Variants in CLIP1 observed in about 807,000 individuals in gnomAD.
CLIP1 encodes the protein CAP-Gly domain containing linker protein 1.
In CLIP1, 66 loss-of-function variants were observed where a neutral mutation model predicts 161.6. The ratio of observed to expected loss-of-function variants is 0.41; its 90% CI spans 0.33 to 0.50. CLIP1 has a LOEUF of 0.50. Among genes scored for constraint, CLIP1 ranks in the 20% least tolerant of loss-of-function variants. The pLI is 0.27. For missense variants in CLIP1, 1,376 were observed against 1,702.0 expected (o/e 0.81, Z 3.37); for synonymous variants, 598 against 626.2 (o/e 0.96, Z 0.67).
At position 122,361,216 on chromosome 12, in the gene CLIP1, A is replaced by C. The variant is rs750520997; in HGVS notation, c.783-35T>G. On this transcript the variant is annotated intron_variant, in intron 4 of 25. Coordinates refer to ENST00000620786, the MANE Select transcript of CLIP1 (RefSeq NM_001247997.2). Reference sequence around the variant, plus strand: ...ACAATAAGAACAATAACAAAAAACAACTTAATCACAAGAAATAATAACTAT... The same window carrying C: ...ACAATAAGAACAATAACAAAAAACACCTTAATCACAAGAAATAATAACTAT... 3 of 1,505,910 alleles carry C rather than the reference A, an allele frequency of 2.0e-6. No homozygotes were observed. In the East Asian group the frequency reaches 6.8e-5, roughly 34 times the overall value. 93.3% of individuals were successfully genotyped at this position (1,505,910 alleles called of 1,614,324 possible).
At chr12:122,379,944 T>TAAAAAAAA (rs10661606) in intron 2 of CLIP1, among the ~76,000 whole-genome samples, 2 of 99,730 alleles carry the variant, frequency 2.0e-5, no homozygotes, top group African/African-American at 7.6e-5. Flanking sequence ...ACTCCATCTT[T>TAAAAAAAA]AAAAAAAAAA....
intron 20 of CLIP1, among the ~76,000 whole-genome samples, chr12:122,292,539 T>C (rs949387757): frequency 6.6e-6 from 1 of 152,182 alleles, no homozygotes; most frequent in Non-Finnish European, 1.5e-5. Context: ...GTCCCAGCCC[T>C]GGCATCAGCC....
chr12:122,370,319 G>A (rs1370462959), intron 3 of CLIP1, among the ~76,000 whole-genome samples: 3 of 152,226 alleles, frequency 2.0e-5, no homozygotes, highest in African/African-American at 4.8e-5. Context: ...AAGGAGTTTC[G>A]ATTTTTATTT....
intron 13 of CLIP1, 81 bp downstream of exon 13, chr12:122,334,567 T>G: frequency 2.2e-6 from 2 of 929,256 alleles, no homozygotes; most frequent in Non-Finnish European, 3.4e-6. Context: ...GCAGTGTAAC[T>G]CTGTGCACTC....
chr12:122,311,429 ATTT>A lies in CLIP1; in HGVS notation c.3474-1550_3474-1548del, dbSNP rs1315276456. Among the ~76,000 whole-genome samples the A allele has an allele frequency of 6.7e-5, 10 of 150,034 alleles. No homozygotes were observed. Among genetic ancestry groups the A allele is most frequent in the South Asian group, 4.2e-4 (2 of 4,768 alleles). On this transcript the variant is annotated intron_variant, in intron 19 of 25. Coordinates refer to ENST00000620786, the MANE Select transcript of CLIP1 (RefSeq NM_001247997.2). This position sits in a 1 kb window ranked among gnomAD's most constrained non-coding sequence, Gnocchi z 4.3. ...TAAAAACAAAATTATTATTATTATT[ATTT>A]TTTTTTTTTTGAGACAGAGTCTCGC...
intron 2 of CLIP1, among the ~76,000 whole-genome samples, chr12:122,379,023 G>A (rs971867095): frequency 1.3e-5 from 2 of 152,106 alleles, no homozygotes; most frequent in Non-Finnish European, 2.9e-5. Context: ...TACTCGGGAG[G>A]CTGAGGCAGG....
At chr12:122,321,641 C>G (rs978519946) in intron 17 of CLIP1, among the ~76,000 whole-genome samples, 2 of 152,118 alleles carry the variant, frequency 1.3e-5, no homozygotes, top group African/African-American at 4.8e-5. Flanking sequence ...ATCTCAGCCT[C>G]CTGAGCAGCT....
At chr12:122,305,865 C>T (rs188739042) in intron 20 of CLIP1, among the ~76,000 whole-genome samples, 19 of 151,662 alleles carry the variant, frequency 1.3e-4, no homozygotes, top group African/African-American at 4.1e-4. Context: ...CTCAGGAGTT[C>T]GAGATTACCC....
intron 10 of CLIP1, among the ~76,000 whole-genome samples, chr12:122,345,789 CT>C (rs538550811): frequency 0.067 from 9,548 of 142,782 alleles, 871 homozygotes; most frequent in African/African-American, 0.22. Context: ...ATTTCTTTTT[CT>C]TTTTTTTTTT....
intron 20 of CLIP1, among the ~76,000 whole-genome samples, chr12:122,293,807 TTTTTTG>T (rs1359748375): frequency 1.5e-4 from 16 of 105,590 alleles, no homozygotes; most frequent in East Asian, 8.4e-4. Flanking sequence ...TTGTTTTTTG[TTTTTTG>T]TTTTTTTTTG....
chr12:122,341,833 G>C, intron 10 of CLIP1, 136 bp from the exon 11 acceptor site: 1 of 537,452 alleles, frequency 1.9e-6, no homozygotes, highest in Non-Finnish European at 2.8e-6. Context: ...ACCCAGGCTG[G>C]AGTACAATGG....
At chr12:122,365,178 A>G (rs1954080003) in intron 3 of CLIP1, 1 of 429,792 alleles carries the variant, frequency 2.3e-6, no homozygotes, top group Admixed American at 3.8e-5. Flanking sequence ...TGGCACATGT[A>G]TACATATGTA....
chr12:122,352,058 C>CT (rs11448068), intron 8 of CLIP1, among the ~76,000 whole-genome samples: 91,472 of 137,328 alleles, frequency 0.67, 31,439 homozygotes, highest in East Asian at 0.83. Context: ...TTGTTGTGGA[C>CT]TTTTTTTTTT....
Position 122,333,081 on chromosome 12 carries a change from T to C in CLIP1, c.2773A>G (p.Lys925Glu). ...REEQLIKAKE[K>E]LENDIAEIMK... Reference sequence around the variant, plus strand: ...ATTTCTGCAATGTCATTTTCCAGTTTTTCCTTTGCCTTTATCAGCTGCTCT... The same window carrying C: ...ATTTCTGCAATGTCATTTTCCAGTTCTTCCTTTGCCTTTATCAGCTGCTCT... Residue 925 changes from lysine (K) to glutamate (E), a missense_variant, in exon 15 of 26, where the codon AAA becomes GAA. Transcript: ENST00000620786. 1 of 1,613,922 alleles carries C rather than the reference T, an allele frequency of 6.2e-7. No homozygotes were observed. The highest frequency in any genetic ancestry group is 8.5e-7 in the Non-Finnish European group (1 of 1,179,874).
intron 15 of CLIP1, among the ~76,000 whole-genome samples, chr12:122,332,550 T>C (rs984874536): frequency 2.0e-5 from 3 of 151,966 alleles, no homozygotes; most frequent in African/African-American, 7.2e-5. Context: ...GCCTCCCCAG[T>C]AGCTGGGATT....
intron 15 of CLIP1, among the ~76,000 whole-genome samples, chr12:122,329,399 G>C (rs567907235): frequency 3.0e-4 from 45 of 151,880 alleles, no homozygotes; most frequent in African/African-American, 1.1e-3. Flanking sequence ...GAGGCCGATG[G>C]GGGGGCGGAT....
intron 19 of CLIP1, among the ~76,000 whole-genome samples, chr12:122,313,258 C>G (rs561525507): frequency 6.6e-6 from 1 of 152,204 alleles, no homozygotes; most frequent in African/African-American, 2.4e-5. Flanking sequence ...TCTTTCTGCC[C>G]TGGGATCCGG....
intron 8 of CLIP1, among the ~76,000 whole-genome samples, chr12:122,351,663 C>T (rs963860708): frequency 7.9e-5 from 12 of 152,076 alleles, no homozygotes; most frequent in African/African-American, 2.4e-4. Flanking sequence ...ATTTGGGAAA[C>T]GCACAGTTAA....
chr12:122,368,068 A>G (rs1052661433), intron 3 of CLIP1, among the ~76,000 whole-genome samples: 8 of 152,366 alleles, frequency 5.3e-5, no homozygotes, highest in African/African-American at 1.9e-4. Context: ...GTTAGCATGT[A>G]ACTCCTAATA....
Sources: allele counts gnomAD v4.1 joint callset (sites outside exome capture counted in the v4.1 genomes callset), GRCh38; gene constraint gnomAD v4.1.1; non-coding constraint Gnocchi (gnomAD v3.1); transcripts MANE v1.5; gene names NCBI Gene and HGNC (gene_info 2026-07-23, HGNC 2026-07-21).